Variants in LRRC17 observed in about 807,000 individuals in gnomAD.
LRRC17 encodes leucine rich repeat containing 17.
A neutral mutation model predicts 41.5 loss-of-function variants in LRRC17; 33 were observed. The observed-to-expected ratio is 0.80, with a 90% CI of 0.60 to 1.06. The LOEUF (loss-of-function observed/expected upper bound fraction) is 1.06. Ranked by LOEUF, LRRC17 falls within the 50% of genes least tolerant of loss-of-function variation. The pLI is 0.00. For synonymous variants in LRRC17, 192 were observed against 197.0 expected (o/e 0.97, Z 0.21); for missense variants, 491 against 519.3 (o/e 0.95, Z 0.53).
Position 102,933,827 on chromosome 7 carries a change from T to C in LRRC17, c.-87T>C. 1 of 1,400,384 alleles carries C rather than the reference T, an allele frequency of 7.1e-7. No individual in the cohort carries two copies. Among genetic ancestry groups the C allele is most frequent in the Non-Finnish European group, 9.6e-7 (1 of 1,046,520 alleles). 86.7% of individuals were successfully genotyped at this position (1,400,384 alleles called of 1,614,324 possible). On this transcript the variant is annotated 5_prime_UTR_variant, in exon 2 of 4. Transcript: ENST00000339431. The stretch of plus-strand genomic sequence containing the variant: ...TCTCATTGTTCCAGAACTGCATTAG[T>C]TAAGATTACCCAGACTTGGATTTCA...
In LRRC17 at chr7:102,939,326, C is replaced by G. The variant is rs1221277221; in HGVS notation, c.773-104C>G. ...TCTTTGGCTTTAGATATCCCTTTAC[C>G]CCTTCTCTTTAAGAGCTGATTCTTC... On this transcript the variant is annotated intron_variant, in intron 2 of 3. Coordinates refer to ENST00000339431, the MANE Select transcript of LRRC17 (RefSeq NM_001031692.3). The G allele has an allele frequency of 4.2e-6, 4 of 942,170 alleles. No individual in the cohort carries two copies. In the East Asian group the frequency reaches 7.7e-5, roughly 18 times the overall value. The allele number at this position is 942,170 out of a possible 1,614,324, so 58.4% of individuals were successfully genotyped here. A position where few individuals can be genotyped will look rare whatever the true frequency, so the allele number is the denominator to read the frequency against.
intron 2 of LRRC17, among the ~76,000 whole-genome samples, chr7:102,937,209 C>T (rs879480289): frequency 6.6e-6 from 1 of 151,884 alleles, no homozygotes; most frequent in Non-Finnish European, 1.5e-5. Context: ...GATTATAAGA[C>T]GAAGGGTAGG....
At chr7:102,929,782 CTGT>C (rs1237359659) in intron 1 of LRRC17, among the ~76,000 whole-genome samples, 3 of 151,402 alleles carry the variant, frequency 2.0e-5, no homozygotes, top group African/African-American at 7.3e-5. Context: ...GGCATGGGTT[CTGT>C]TAGGGGTGAG....
At chr7:102,931,011 T>C (rs549995216) in intron 1 of LRRC17, among the ~76,000 whole-genome samples, 105 of 152,244 alleles carry the variant, frequency 6.9e-4, no homozygotes, top group African/African-American at 2.5e-3. Flanking sequence ...CAAAACCCTA[T>C]GGTTAAGGAT....
chr7:102,913,039 G>C lies in LRRC17; in HGVS notation c.-247G>C. 6.2e-7 allele frequency: 1 copy of C among 1,613,142 alleles called. No homozygotes were observed. The highest frequency in any genetic ancestry group is 8.5e-7 in the Non-Finnish European group (1 of 1,179,420). ...AGGGCTGAATGCAGCCCATTCTCTG[G>C]AGAACTTCCTCACACACCGCAGCAA... On this transcript the variant is annotated 5_prime_UTR_variant, in exon 1 of 4. Coordinates refer to ENST00000339431, the MANE Select transcript of LRRC17 (RefSeq NM_001031692.3).
intron 2 of LRRC17, 113 bp from the exon 3 acceptor site, chr7:102,939,317 T>A: frequency 1.2e-6 from 1 of 841,490 alleles, no homozygotes; most frequent in Non-Finnish European, 1.8e-6. Flanking sequence ...GCTTTAGATA[T>A]CCCTTTACCC....
intron 1 of LRRC17, among the ~76,000 whole-genome samples, chr7:102,929,103 CTG>C (rs1276891830): frequency 6.6e-6 from 1 of 152,212 alleles, no homozygotes; most frequent in South Asian, 2.1e-4. Context: ...AATGCTGACT[CTG>C]TGTGTTGAGG....
At chr7:102,931,577 T>A (rs1819179984) in intron 1 of LRRC17, among the ~76,000 whole-genome samples, 1 of 152,192 alleles carries the variant, frequency 6.6e-6, no homozygotes, top group Non-Finnish European at 1.5e-5. Context: ...GAGCCTATCA[T>A]GTCTACTGGG....
At chr7:102,933,240 A>G (rs1159533128) in intron 1 of LRRC17, 1 of 152,130 alleles carries the variant, frequency 6.6e-6, no homozygotes, top group African/African-American at 2.4e-5. Context: ...TCTGGAGCCC[A>G]CACCCAACAT....
chr7:102,938,788 A>G (rs1287996320), intron 2 of LRRC17, among the ~76,000 whole-genome samples: 1 of 152,242 alleles, frequency 6.6e-6, no homozygotes, highest in Non-Finnish European at 1.5e-5. Context: ...TCTATTTATC[A>G]ACACAGCAAA....
At chr7:102,925,072 A>C (rs1464166987) in intron 1 of LRRC17, among the ~76,000 whole-genome samples, 1 of 152,236 alleles carries the variant, frequency 6.6e-6, no homozygotes. Flanking sequence ...TAGTGTGATC[A>C]TATACCCTTC....
At chr7:102,929,085 C>A (rs1181462129) in intron 1 of LRRC17, among the ~76,000 whole-genome samples, 1 of 152,156 alleles carries the variant, frequency 6.6e-6, no homozygotes, top group African/African-American at 2.4e-5. Flanking sequence ...GATTAAACAA[C>A]TAATTTAAAT....
Position 102,916,988 on chromosome 7 carries a change from A to G in LRRC17, c.-141+3843A>G, listed in dbSNP as rs1168842240. Among the ~76,000 whole-genome samples, 3 of 152,228 alleles carry G rather than the reference A, an allele frequency of 2.0e-5. No homozygotes were observed. The East Asian group carries it at 5.8e-4, about 29-fold the overall frequency. The stretch of plus-strand genomic sequence containing the variant: ...CCTGAAGGACTTACTACTAAGATGA[A>G]TGGAAAAGTATGTATTTAAATAAAA... On this transcript the variant is annotated intron_variant, in intron 1 of 3. Coordinates refer to ENST00000339431, the MANE Select transcript of LRRC17 (RefSeq NM_001031692.3).
At chr7:102,924,644 T>TTC (rs1554460385) in intron 1 of LRRC17, among the ~76,000 whole-genome samples, 1 of 147,272 alleles carries the variant, frequency 6.8e-6, no homozygotes, top group East Asian at 2.0e-4. Context: ...AGCTTTTCTT[T>TTC]TTTTTTTTTT....
chr7:102,939,752 GATAA>G (rs1821037091), intron 3 of LRRC17, among the ~76,000 whole-genome samples, 167 bp downstream of exon 3: 1 of 152,182 alleles, frequency 6.6e-6, no homozygotes, highest in Non-Finnish European at 1.5e-5. Flanking sequence ...TTGCCACTCA[GATAA>G]ATACTTGCCA....
rs570291729 is a variant in LRRC17 at position 102,932,011 on chromosome 7, G to T, written c.-140-1763G>T. ...AAAGTTTTTCTATCTTACATTGAATGCAATGTATTCATTAGAAAACAAACA... is the reference window on the plus strand; with the variant it reads ...AAAGTTTTTCTATCTTACATTGAATTCAATGTATTCATTAGAAAACAAACA... On this transcript the variant is annotated intron_variant, in intron 1 of 3. Transcript: ENST00000339431. 7.2e-5 allele frequency: 90 copies of T among 1,258,556 alleles called. 1 individual carries two copies. In the Middle Eastern group the frequency reaches 7.5e-4, roughly 11 times the overall value. The allele number at this position is 1,258,556 out of a possible 1,614,324, so 78.0% of individuals were successfully genotyped here.
chr7:102,924,641 C>CTTTTTTT (rs71106699), intron 1 of LRRC17, among the ~76,000 whole-genome samples: 4 of 121,030 alleles, frequency 3.3e-5, no homozygotes, highest in Admixed American at 1.9e-4. Flanking sequence ...GTAAGCTTTT[C>CTTTTTTT]TTTTTTTTTT....
At chr7:102,940,095 T>C (rs1028957633) in intron 3 of LRRC17, among the ~76,000 whole-genome samples, 2 of 151,922 alleles carry the variant, frequency 1.3e-5, no homozygotes, top group African/African-American at 4.8e-5. Flanking sequence ...GGTTTCATCA[T>C]GTTGGTCAGG....
chr7:102,915,445 G>A lies in LRRC17; in HGVS notation c.-141+2300G>A, dbSNP rs73408238. Among the ~76,000 whole-genome samples the A allele has an allele frequency of 6.3e-3, 962 of 151,792 alleles. 11 individuals carry two copies. The highest frequency in any genetic ancestry group is 0.021 in the African/African-American group (885 of 41,388). On this transcript the variant is annotated intron_variant, in intron 1 of 3. Transcript: ENST00000339431. Reference sequence around the variant, plus strand: ...AAATGGATACTTATCTCCAAGAGTGGTGCATACAATAATTCCAAGAGTTTG... The same window carrying A: ...AAATGGATACTTATCTCCAAGAGTGATGCATACAATAATTCCAAGAGTTTG...
Sources: allele counts gnomAD v4.1 joint callset (sites outside exome capture counted in the v4.1 genomes callset), GRCh38; gene constraint gnomAD v4.1.1; transcripts MANE v1.5; gene names NCBI Gene and HGNC (gene_info 2026-07-23, HGNC 2026-07-21).